The following PRELID2 variants were observed in gnomAD, a reference collection of about 807,000 sequenced individuals.
PRELID2 encodes the protein PRELI domain containing 2, also known as PRELI domain-containing protein 2.
In PRELID2, 25 loss-of-function variants were observed where a neutral mutation model predicts 28.4. That is an observed-to-expected ratio of 0.88 (90% CI 0.64 to 1.23). The LOEUF (loss-of-function observed/expected upper bound fraction) is 1.23. Among genes scored for constraint, PRELID2 ranks in the 50% most tolerant of loss-of-function variants. PRELID2 has a pLI of 0.00. For synonymous variants in PRELID2, 76 were observed against 71.6 expected (o/e 1.06, Z -0.31); for missense variants, 201 against 214.4 (o/e 0.94, Z 0.39).
At chr5:145,369,096 T>C in the PRELID2 span, among the ~76,000 whole-genome samples, 1 of 151,942 alleles carries the variant, frequency 6.6e-6, no homozygotes, top group Non-Finnish European at 1.5e-5. Context: ...GTTAATTTGC[T>C]AAAGTTAATG....
chr5:145,681,231 T>C (rs941147345), intron 1 of PRELID2, among the ~76,000 whole-genome samples: 91 of 152,322 alleles, frequency 6.0e-4, no homozygotes, highest in Non-Finnish European at 4.6e-4. Context: ...AAACCAGTGC[T>C]CCTCTGAGGA....
the PRELID2 span, among the ~76,000 whole-genome samples, chr5:145,375,106 C>G: frequency 1.3e-5 from 2 of 152,034 alleles, no homozygotes; most frequent in Non-Finnish European, 2.9e-5. Context: ...TTCTTTCTCA[C>G]CTTTGTGAGT....
chr5:145,760,479 C>T lies in PRELID2; in HGVS notation c.*57G>A, dbSNP rs1290304608. ...TGTGCTGTGGCCAAGAAGTGATTCT[C>T]AAAAAAAAAATAAATAAATAAATAA... On this transcript the variant is annotated 3_prime_UTR_variant, in exon 7 of 7. Transcript: ENST00000683046. 1 of 146,884 alleles carries T rather than the reference C, an allele frequency of 6.8e-6. No individual in the cohort carries two copies. Among genetic ancestry groups the T allele is most frequent in the Non-Finnish European group, 1.5e-5 (1 of 66,414 alleles). 9.1% of individuals were successfully genotyped at this position (146,884 alleles called of 1,614,324 possible).
downstream of PRELID2, among the ~76,000 whole-genome samples, chr5:145,469,407 A>G (rs1325557588): frequency 6.6e-6 from 1 of 152,110 alleles, no homozygotes; most frequent in African/African-American, 2.4e-5. Flanking sequence ...GTTTGTTTCT[A>G]CCATCAGATC....
At chr5:145,588,272 T>G (rs954841513) in intron 1 of PRELID2, among the ~76,000 whole-genome samples, 1 of 152,104 alleles carries the variant, frequency 6.6e-6, no homozygotes, top group South Asian at 2.1e-4. Flanking sequence ...ACACCAAAGC[T>G]TAGAGACTGG....
chr5:145,724,604 T>A lies in PRELID2; in HGVS notation n.70+40327A>T, dbSNP rs1654241. ...TGAAATAACAAGAAGTAAATAAATA[T>A]ATATATATATATATATATATATATA... On this transcript the variant is annotated intron_variant and non_coding_transcript_variant, in intron 1 of 2. Transcript: ENST00000510259. Among the ~76,000 whole-genome samples, 201 of 33,242 alleles carry A rather than the reference T, an allele frequency of 6.0e-3. 2 individuals carry two copies. The highest frequency in any genetic ancestry group is 0.032 in the African/African-American group (128 of 3,954). 21.8% of individuals were successfully genotyped at this position (33,242 alleles called of 152,430 possible).
chr5:145,447,082 T>TAAATAAATAAATA, the PRELID2 span, among the ~76,000 whole-genome samples: 1 of 150,586 alleles, frequency 6.6e-6, no homozygotes, highest in African/African-American at 2.4e-5. Context: ...AATAAATAAA[T>TAAATAAATAAATA]AAAAATTTAA....
chr5:145,246,177 GTCTT>G, the PRELID2 span, among the ~76,000 whole-genome samples: 38 of 152,044 alleles, frequency 2.5e-4, no homozygotes, highest in Non-Finnish European at 5.1e-4. Context: ...AATGTCACGT[GTCTT>G]TCTAAGAAAA....
chr5:145,235,346 T>C, the PRELID2 span, among the ~76,000 whole-genome samples: 4 of 152,140 alleles, frequency 2.6e-5, no homozygotes, highest in Non-Finnish European at 4.4e-5. Context: ...GAGAATTATA[T>C]AGCTGTCACT....
the PRELID2 span, among the ~76,000 whole-genome samples, chr5:145,391,478 G>A: frequency 6.6e-6 from 1 of 152,196 alleles, no homozygotes; most frequent in African/African-American, 2.4e-5. Context: ...TCCCAAGGCT[G>A]CATAGAGCAG....
rs1182657500 is a variant in PRELID2, at chr5:145,756,350, G to GT, written c.*4185dup. On this transcript the variant is annotated 3_prime_UTR_variant, in exon 7 of 7. Transcript: ENST00000683046. The stretch of plus-strand genomic sequence containing the variant: ...TAGAATGCACACATAAATATCAGCT[G>GT]TAACAACTTTATTTCAGAATGACTG... Among the ~76,000 whole-genome samples the GT allele has an allele frequency of 5.3e-5, 8 of 152,300 alleles. No homozygotes were observed. The highest frequency in any genetic ancestry group is 1.9e-4 in the African/African-American group (8 of 41,568).
At chr5:145,803,296 C>A (rs897618044) in intron 4 of PRELID2, among the ~76,000 whole-genome samples, 1 of 152,128 alleles carries the variant, frequency 6.6e-6, no homozygotes, top group Admixed American at 6.6e-5. Flanking sequence ...TGTCTGAACC[C>A]ATTTACATAA....
intron 1 of PRELID2, among the ~76,000 whole-genome samples, chr5:145,619,811 A>G (rs1429671921): frequency 6.6e-6 from 1 of 152,246 alleles, no homozygotes; most frequent in African/African-American, 2.4e-5. Context: ...GGATAGGAAA[A>G]TGGTCATAAA....
intron 5 of PRELID2, among the ~76,000 whole-genome samples, chr5:145,767,870 TA>T (rs1278159571): frequency 2.6e-5 from 4 of 152,204 alleles, no homozygotes; most frequent in African/African-American, 9.6e-5. Flanking sequence ...TGAAACAGGT[TA>T]TCCTTAATCA....
chr5:145,756,572 G>A lies in PRELID2; in HGVS notation c.*3964C>T, dbSNP rs1380891494. Among the ~76,000 whole-genome samples the A allele has an allele frequency of 2.0e-5, 3 of 152,164 alleles. No homozygotes were observed. The highest frequency in any genetic ancestry group is 4.4e-5 in the Non-Finnish European group (3 of 68,030). On this transcript the variant is annotated 3_prime_UTR_variant, in exon 7 of 7. Transcript: ENST00000683046. ...GGAGACAATGGTTTATTGATCAAGA[G>A]AAATTATTTCTAGCAATATCTCACT...
chr5:145,255,608 A>G, the PRELID2 span, among the ~76,000 whole-genome samples: 1 of 151,676 alleles, frequency 6.6e-6, no homozygotes, highest in South Asian at 2.1e-4. Context: ...ACTTGTCTCT[A>G]TTAAAAAAAA....
chr5:145,320,791 T>A, the PRELID2 span, among the ~76,000 whole-genome samples: 1 of 152,204 alleles, frequency 6.6e-6, no homozygotes, highest in Admixed American at 6.5e-5. Context: ...TTATTGTTAT[T>A]GTGTTTGGTT....
downstream of PRELID2, among the ~76,000 whole-genome samples, chr5:145,467,073 G>C (rs1752008909): frequency 6.6e-6 from 1 of 152,090 alleles, no homozygotes; most frequent in Non-Finnish European, 1.5e-5. Flanking sequence ...TCTCCCAGGA[G>C]TATCTTCCCA....
intron 1 of PRELID2, among the ~76,000 whole-genome samples, chr5:145,720,364 A>G (rs1187797620): frequency 6.6e-6 from 1 of 151,064 alleles, no homozygotes; most frequent in African/African-American, 2.4e-5. Context: ...CCCAGAAGGG[A>G]AAAAAAAATC....
Sources: gnomAD v4.1 joint callset for allele counts (sites outside exome capture counted in the v4.1 genomes callset) on GRCh38, gnomAD v4.1.1 for gene constraint, MANE v1.5 for transcripts, NCBI Gene and HGNC (gene_info 2026-07-23, HGNC 2026-07-21) for gene names.